Variants in SPON1 observed in about 807,000 individuals in gnomAD.
SPON1 encodes spondin 1, also known as spondin-1.
In SPON1, 52 loss-of-function variants were observed where a neutral mutation model predicts 111.7. That is an observed-to-expected ratio of 0.47 (90% CI 0.37 to 0.59). SPON1 has a LOEUF of 0.59. SPON1 is among the 20% of genes least tolerant of loss of function. The pLI is 0.00. For missense variants in SPON1, 957 were observed against 1,068.5 expected, an observed-to-expected ratio of 0.90 and a Z score of 1.46; for synonymous variants, 410 against 395.8, an observed-to-expected ratio of 1.04 and a Z score of -0.43.
chr11:14,077,158 A>T (rs1340386640), intron 4 of SPON1, among the ~76,000 whole-genome samples: 3 of 152,198 alleles, frequency 2.0e-5, no homozygotes, highest in Non-Finnish European at 4.4e-5. Flanking sequence ...AGTGCACATT[A>T]GTTAATGATT....
At chr11:14,097,523 C>T (rs1554923992) in intron 5 of SPON1, among the ~76,000 whole-genome samples, 1 of 152,152 alleles carries the variant, frequency 6.6e-6, no homozygotes, top group Non-Finnish European at 1.5e-5. Flanking sequence ...TACAAAAATG[C>T]TCTCGTTATT....
At chr11:14,027,176 G>A (rs1215381959) in intron 2 of SPON1, among the ~76,000 whole-genome samples, 1 of 152,176 alleles carries the variant, frequency 6.6e-6, no homozygotes, top group Non-Finnish European at 1.5e-5. Flanking sequence ...GGGGTGGGGA[G>A]CATCCACAAC....
At chr11:14,182,028 G>A (rs1554933728) in intron 6 of SPON1, among the ~76,000 whole-genome samples, 3 of 152,128 alleles carry the variant, frequency 2.0e-5, no homozygotes, top group Non-Finnish European at 2.9e-5. Context: ...TATCCATGAG[G>A]CAACCATGAC....
chr11:14,054,732 C>A (rs1326266403), intron 3 of SPON1, among the ~76,000 whole-genome samples: 2 of 152,158 alleles, frequency 1.3e-5, no homozygotes, highest in African/African-American at 4.8e-5. Flanking sequence ...CAGATGAAAG[C>A]CACAGGCTGA....
At chr11:13,982,153 A>G (rs1479866703) in intron 1 of SPON1, among the ~76,000 whole-genome samples, 5 of 148,436 alleles carry the variant, frequency 3.4e-5, no homozygotes, top group Middle Eastern at 3.5e-3. Context: ...TAATTTATAA[A>G]TTAAACTTTA....
chr11:14,067,266 T>G (rs1314345964), intron 3 of SPON1, among the ~76,000 whole-genome samples: 1 of 152,176 alleles, frequency 6.6e-6, no homozygotes, highest in Non-Finnish European at 1.5e-5. Flanking sequence ...AGAGCCTGAC[T>G]CCTCCTTTCC....
intron 5 of SPON1, among the ~76,000 whole-genome samples, chr11:14,122,243 G>A (rs891769170): frequency 1.4e-4 from 22 of 152,050 alleles, no homozygotes; most frequent in African/African-American, 4.6e-4. Flanking sequence ...GCACGATCTC[G>A]GCCCACTGCA....
At chr11:14,256,876 A>G (rs1192276445) in intron 10 of SPON1, among the ~76,000 whole-genome samples, 184 bp downstream of exon 10, 5 of 152,226 alleles carry the variant, frequency 3.3e-5, no homozygotes, top group Non-Finnish European at 5.9e-5. Flanking sequence ...GCATAAGGGA[A>G]TTGGTGAAGA....
At chr11:14,024,661 G>A (rs575100290) in intron 2 of SPON1, among the ~76,000 whole-genome samples, 14 of 152,316 alleles carry the variant, frequency 9.2e-5, no homozygotes, top group African/African-American at 3.4e-4. Flanking sequence ...TGGGGGGCAT[G>A]GCTGGCCAGA....
intron 6 of SPON1, among the ~76,000 whole-genome samples, chr11:14,214,280 CTG>C (rs1471027142): frequency 1.2e-4 from 19 of 152,206 alleles, no homozygotes; most frequent in Non-Finnish European, 2.8e-4. Context: ...GAAGAATTCC[CTG>C]TGTTATCCAC....
intron 1 of SPON1, among the ~76,000 whole-genome samples, chr11:13,978,625 A>T (rs1433311706): frequency 6.6e-6 from 1 of 152,204 alleles, no homozygotes; most frequent in East Asian, 1.9e-4. Flanking sequence ...CCTATTATGT[A>T]GGTATTTTTA....
intron 3 of SPON1, among the ~76,000 whole-genome samples, chr11:14,047,215 A>T (rs782046355): frequency 5.3e-5 from 8 of 152,154 alleles, no homozygotes; most frequent in Non-Finnish European, 1.0e-4. Flanking sequence ...ACAGTATTGC[A>T]TAGTAGTATT....
At chr11:14,094,388 G>A (rs146914512) in intron 5 of SPON1, among the ~76,000 whole-genome samples, 2 of 151,898 alleles carry the variant, frequency 1.3e-5, no homozygotes, top group Non-Finnish European at 2.9e-5. Flanking sequence ...CAACACATTT[G>A]TATCAATTCA....
chr11:14,160,792 TTATATATTTTTA>T lies in SPON1; in HGVS notation c.825+25247_825+25258del, dbSNP rs1269950245. 7.0e-4 allele frequency among the ~76,000 whole-genome samples: 35 copies of T among 49,796 alleles called. 3 individuals carry two copies. Among genetic ancestry groups the T allele is most frequent in the African/African-American group, 2.6e-3 (32 of 12,222 alleles). 32.7% of individuals were successfully genotyped at this position (49,796 alleles called of 152,430 possible). A position where few individuals can be genotyped will look rare whatever the true frequency, so the allele number is the denominator to read the frequency against. On this transcript the variant is annotated intron_variant, in intron 6 of 15. Coordinates refer to ENST00000576479, the MANE Select transcript of SPON1 (RefSeq NM_006108.4). Reference sequence around the variant, plus strand: ...TATTTATATATATTTTTATATATATTTATATATTTTTATATATATTTTTATATATATTTTATA... The same window carrying T: ...TATTTATATATATTTTTATATATATTTATATATTTTTATATATATTTTATA...
chr11:14,025,962 C>G (rs1554915260), intron 2 of SPON1, among the ~76,000 whole-genome samples: 1 of 152,160 alleles, frequency 6.6e-6, no homozygotes, highest in Non-Finnish European at 1.5e-5. Flanking sequence ...CTTTATCCTA[C>G]AATACACCAT....
At chr11:14,231,832 CGT>C (rs1194314870) in intron 6 of SPON1, among the ~76,000 whole-genome samples, 5 of 151,024 alleles carry the variant, frequency 3.3e-5, no homozygotes, top group Non-Finnish European at 7.4e-5. Context: ...AAAGTATATA[CGT>C]GTGTGTGTGT....
chr11:14,197,840 A>G (rs537720232), intron 6 of SPON1, among the ~76,000 whole-genome samples: 2 of 152,224 alleles, frequency 1.3e-5, no homozygotes, highest in Admixed American at 1.3e-4. Context: ...TAATAAAAAT[A>G]AAAACACAAA....
chr11:14,211,143 G>A (rs1267371432), intron 6 of SPON1, among the ~76,000 whole-genome samples: 1 of 152,126 alleles, frequency 6.6e-6, no homozygotes, highest in African/African-American at 2.4e-5. Flanking sequence ...AATCAGGCAA[G>A]AGAAAGAAAT....
intron 2 of SPON1, among the ~76,000 whole-genome samples, chr11:14,017,661 G>A (rs1356467551): frequency 6.6e-6 from 1 of 152,154 alleles, no homozygotes; most frequent in East Asian, 1.9e-4. Flanking sequence ...AAGTAGCAGG[G>A]CCATTTGAGC....
Sources: allele counts gnomAD v4.1 joint callset (sites outside exome capture counted in the v4.1 genomes callset), GRCh38; gene constraint gnomAD v4.1.1; transcripts MANE v1.5; gene names NCBI Gene and HGNC (gene_info 2026-07-23, HGNC 2026-07-21).